TTBK1: variants seen among roughly 807,000 people sequenced by gnomAD.
TTBK1 encodes the protein tau tubulin kinase 1.
TTBK1 carries 34 observed loss-of-function variants against 108.5 expected under a neutral mutation model. That is an observed-to-expected ratio of 0.31 (90% confidence interval 0.24 to 0.42). The LOEUF is 0.42. Among genes scored for constraint, TTBK1 ranks in the 10% least tolerant of loss-of-function variants. The probability of loss-of-function intolerance (pLI) is 1.00; values close to 1 mark genes in which losing one functional copy is unlikely to be tolerated. For synonymous variants in TTBK1, 809 were observed against 795.1 expected (o/e 1.02, Z -0.29); for missense variants, 1,539 against 1,826.0 (o/e 0.84, Z 2.86).
chr6:43,271,649 G>A, intron 13 of TTBK1: 1 of 985,292 alleles, frequency 1.0e-6, no homozygotes, highest in Non-Finnish European at 1.2e-6. Flanking sequence ...CAGTGCCCTG[G>A]AGCCAAACTG....
Position 43,262,822 on chromosome 6 carries a change from C to T in TTBK1, c.1458C>T (p.Arg486=), listed in dbSNP as rs1382722944. The part of the protein sequence containing the change: ...SRMDLPGSPS[R]QACSSQPAQM... ...TGGATCTGCCTGGCTCGCCCTCGCG[C>T]CAGGCCTGCTCCTCTCAGCCAGCCC... is the stretch of plus-strand genomic sequence containing the variant. The change falls in exon 13 of 15, where the codon CGC becomes CGT. Residue 486 remains arginine, a synonymous_variant. Transcript: ENST00000259750. 3.1e-6 allele frequency: 5 copies of T among 1,592,034 alleles called. No homozygotes were observed. The highest frequency in any genetic ancestry group is 4.3e-6 in the Non-Finnish European group (5 of 1,166,418).
rs1207199727 is a variant in TTBK1, at chr6:43,269,003, A to G, written c.1986+5653A>G. ...TGGGCACCATTATGACCCCCATTTT[A>G]CAGAGGAGGAAGCTGAGGCTCAGAG... On this transcript the variant is annotated intron_variant, in intron 13 of 14. Transcript: ENST00000259750. This position sits in a 1 kb window ranked among gnomAD's most constrained non-coding sequence, Gnocchi z 4.8. Among the ~76,000 whole-genome samples, 1 of 152,158 alleles carries G rather than the reference A, an allele frequency of 6.6e-6. No individual in the cohort carries two copies. Among genetic ancestry groups the G allele is most frequent in the Non-Finnish European group, 1.5e-5 (1 of 68,020 alleles).
At chr6:43,278,132 G>A (rs1778058690) in intron 13 of TTBK1, among the ~76,000 whole-genome samples, 1 of 152,172 alleles carries the variant, frequency 6.6e-6, no homozygotes, top group African/African-American at 2.4e-5. Flanking sequence ...GGTTAAGGGT[G>A]GGGCTATGTG....
intron 13 of TTBK1, among the ~76,000 whole-genome samples, chr6:43,274,091 A>G (rs1301679661): frequency 6.6e-6 from 1 of 152,030 alleles, no homozygotes; most frequent in Admixed American, 6.5e-5. Flanking sequence ...GGGAGAGGGT[A>G]TGTTCTGAGG....
intron 13 of TTBK1, among the ~76,000 whole-genome samples, chr6:43,275,904 G>A (rs1023516806): frequency 2.0e-5 from 3 of 152,082 alleles, no homozygotes; most frequent in African/African-American, 7.2e-5. Context: ...GGAGGGGGCG[G>A]GGCTCCGGGC....
chr6:43,255,136 G>A (rs776290264), intron 7 of TTBK1, 22 bp downstream of exon 7: 1 of 1,609,902 alleles, frequency 6.2e-7, no homozygotes, highest in Non-Finnish European at 8.5e-7. Context: ...AGCCCGGGAT[G>A]CAGGATGTGG....
chr6:43,244,749 T>C (rs762995436), intron 1 of TTBK1, among the ~76,000 whole-genome samples: 5 of 152,102 alleles, frequency 3.3e-5, no homozygotes, highest in Non-Finnish European at 5.9e-5. Context: ...AGATCCACTG[T>C]CCCAGGACTG....
chr6:43,284,287 G>C lies in TTBK1; in HGVS notation c.3547G>C (p.Ala1183Pro). 6.3e-7 allele frequency: 1 copy of C among 1,582,466 alleles called. No individual in the cohort carries two copies. The highest frequency in any genetic ancestry group is 2.3e-5 in the East Asian group (1 of 44,394). The change falls in exon 14 of 15, where the codon GCA becomes CCA. Residue 1183 changes from alanine (A) to proline (P), a missense_variant. Around this residue, in one of 5 missense-constraint regions of TTBK1, gnomAD observed 1,055 missense variants for 1,086.5 expected, o/e 0.97. Transcript: ENST00000259750. ...PASRSHGAAP[A>P]LDTAITSRLQ... ...CAGCAGATCCCATGGCGCGGCCCCA[G>C]CATTGGACACAGCCATCACCAGCAG...
In TTBK1 at chr6:43,276,278, A is replaced by ACG. The variant is rs1777995355; in HGVS notation, c.1987-6447_1987-6446dup. ...AACTCAAAACCACACACACGCTCAC[A>ACG]CGCACACACACGCACACGAAGATGG... is the stretch of plus-strand genomic sequence containing the variant. On this transcript the variant is annotated intron_variant, in intron 13 of 14. Transcript: ENST00000259750. The surrounding 1 kb of genome is among the most constrained non-coding windows in gnomAD (Gnocchi z 5.4). 6.6e-6 allele frequency among the ~76,000 whole-genome samples: 1 copy of ACG among 152,084 alleles called. No individual in the cohort carries two copies. Among genetic ancestry groups the ACG allele is most frequent in the Non-Finnish European group, 1.5e-5 (1 of 68,022 alleles).
intron 14 of TTBK1, 149 bp from the exon 15 acceptor site, chr6:43,284,834 G>T: frequency 7.5e-7 from 1 of 1,325,828 alleles, no homozygotes; most frequent in Non-Finnish European, 9.6e-7. Flanking sequence ...AGAGAGCCAG[G>T]CCTCAGTTTA....
intron 13 of TTBK1, among the ~76,000 whole-genome samples, chr6:43,266,885 G>A (rs969358467): frequency 1.3e-5 from 2 of 152,070 alleles, no homozygotes; most frequent in African/African-American, 4.8e-5. Context: ...CAAATTGCTG[G>A]GATTACAGGC....
At position 43,255,697 on chromosome 6, in the gene TTBK1, G is replaced by A. The variant is rs1275515039; in HGVS notation, c.736-34G>A. On this transcript the variant is annotated intron_variant, in intron 8 of 14. Coordinates refer to ENST00000259750, the MANE Select transcript of TTBK1 (RefSeq NM_032538.3). ...TGGCAGAAGGAGTGTCAGGGCAGCTGGGACTCCATCTCCCTGTGGCCTCTT... is the reference window on the plus strand; with the variant it reads ...TGGCAGAAGGAGTGTCAGGGCAGCTAGGACTCCATCTCCCTGTGGCCTCTT... The A allele has an allele frequency of 2.5e-6, 4 of 1,614,038 alleles. No homozygotes were observed. In the African/African-American group the frequency reaches 5.3e-5, roughly 22 times the overall value.
rs546050304 is a variant in TTBK1 at position 43,285,400 on chromosome 6, C to T, written c.*24C>T. ...AATGACGCCCGCTGCTCTCCGCGGTCCCCCACCCTCACCCCGGCCCCCCAC... is the reference window on the plus strand; with the variant it reads ...AATGACGCCCGCTGCTCTCCGCGGTTCCCCACCCTCACCCCGGCCCCCCAC... On this transcript the variant is annotated 3_prime_UTR_variant, in exon 15 of 15. Coordinates refer to ENST00000259750, the MANE Select transcript of TTBK1 (RefSeq NM_032538.3). This position sits in a 1 kb window ranked among gnomAD's most constrained non-coding sequence, Gnocchi z 4.7. 17,697 of 1,259,060 alleles carry T rather than the reference C, an allele frequency of 0.014. 154 individuals are homozygous for T. Among genetic ancestry groups the T allele is most frequent in the Non-Finnish European group, 0.016 (16,010 of 1,005,242 alleles). The allele number at this position is 1,259,060 out of a possible 1,614,324, so 78.0% of individuals were successfully genotyped here.
In TTBK1 at chr6:43,259,653, T is replaced by C; in HGVS notation, c.1371T>C (p.Pro457=). 1.9e-6 allele frequency: 3 copies of C among 1,609,076 alleles called. No homozygotes were observed. The highest frequency in any genetic ancestry group is 2.5e-6 in the Non-Finnish European group (3 of 1,178,020). The change falls in exon 12 of 15, where the codon CCT becomes CCC. Residue 457 remains proline, a synonymous_variant. Transcript: ENST00000259750. This position sits in a 1 kb window ranked among gnomAD's most constrained non-coding sequence, Gnocchi z 6.7. ...RSLRYRRVNS[P]ESERLSTADG... ...TGCGCTACCGGAGGGTGAACAGCCC[T>C]GAGTCAGAAAGGCTGTCCACGGCGG...
At position 43,285,549 on chromosome 6, in the gene TTBK1, A is replaced by G; in HGVS notation, c.*173A>G. On this transcript the variant is annotated 3_prime_UTR_variant, in exon 15 of 15. Coordinates refer to ENST00000259750, the MANE Select transcript of TTBK1 (RefSeq NM_032538.3). The surrounding 1 kb of genome is among the most constrained non-coding windows in gnomAD (Gnocchi z 4.7). The stretch of plus-strand genomic sequence containing the variant: ...GCGCGAGCACACGCGGCGCCCCGCC[A>G]GGCCTTAGGGCCCGTGGGGGACGCG... The G allele has an allele frequency of 1.2e-6, 1 of 853,652 alleles. No individual in the cohort carries two copies. Among genetic ancestry groups the G allele is most frequent in the Admixed American group, 4.5e-5 (1 of 22,212 alleles). The allele number at this position is 853,652 out of a possible 1,614,324, so 52.9% of individuals were successfully genotyped here. A position where few individuals can be genotyped will look rare whatever the true frequency, so the allele number is the denominator to read the frequency against.
At position 43,283,505 on chromosome 6, in the gene TTBK1, C is replaced by T; in HGVS notation, c.2765C>T (p.Pro922Leu). ...GGGGGCGTGGCAGTCACCTCCTCAC[C>T]CTTCACCAAAGTTGAGAGGACCTTT... ...GVGGVAVTSS[P>L]FTKVERTFVH... The change falls in exon 14 of 15, where the codon CCC becomes CTC. Residue 922 changes from proline (P) to leucine (L), a missense_variant. By Grantham distance (98) the Pro-to-Leu change is moderately conservative. Transcript: ENST00000259750. This position sits in a 1 kb window ranked among gnomAD's most constrained non-coding sequence, Gnocchi z 8.1. 6.2e-7 allele frequency: 1 copy of T among 1,614,144 alleles called. No homozygotes were observed. Among genetic ancestry groups the T allele is most frequent in the Non-Finnish European group, 8.5e-7 (1 of 1,179,980 alleles).
intron 2 of TTBK1, chr6:43,248,247 AC>A (rs1777151663): frequency 6.6e-6 from 1 of 152,072 alleles, no homozygotes; most frequent in African/African-American, 2.4e-5. Flanking sequence ...ACCTCTCCTC[AC>A]CTCCGACCCC....
rs529277265 is a variant in TTBK1, at chr6:43,262,501, A to G, written c.1425-288A>G. ...AGAGCGTTCCTTGCACAGAAACCCG[A>G]GTTTATTTTCTGCTTGTTTGTATTC... On this transcript the variant is annotated intron_variant, in intron 12 of 14. Coordinates refer to ENST00000259750, the MANE Select transcript of TTBK1 (RefSeq NM_032538.3). Among the ~76,000 whole-genome samples the G allele has an allele frequency of 1.3e-4, 20 of 152,308 alleles. No homozygotes were observed. In the South Asian group the frequency reaches 3.9e-3, roughly 30 times the overall value.
rs180831240 is a variant in TTBK1 at position 43,245,950 on chromosome 6, C to A, written c.-54-657C>A. On this transcript the variant is annotated intron_variant, in intron 1 of 14. Transcript: ENST00000259750. ...GTCTTGAGTCCATCACCTGTGTTCACCCCATCTCTTATATCCTGACCTCCC... is the reference window on the plus strand; with the variant it reads ...GTCTTGAGTCCATCACCTGTGTTCAACCCATCTCTTATATCCTGACCTCCC... 1.7e-4 allele frequency among the ~76,000 whole-genome samples: 26 copies of A among 152,336 alleles called. No homozygotes were observed. In the East Asian group the frequency reaches 2.7e-3, roughly 16 times the overall value.
Sources: allele counts gnomAD v4.1 joint callset (sites outside exome capture counted in the v4.1 genomes callset), GRCh38; gene constraint gnomAD v4.1.1; regional missense constraint gnomAD v4.1.1; non-coding constraint Gnocchi (gnomAD v3.1); transcripts MANE v1.5; gene names NCBI Gene and HGNC (gene_info 2026-07-23, HGNC 2026-07-21).